Variants in PBX1 observed in about 807,000 individuals in gnomAD.
PBX1 encodes the protein PBX homeobox 1, also known as pre-B-cell leukemia transcription factor 1.
In PBX1, 6 loss-of-function variants were observed where a neutral mutation model predicts 53.4. That is an observed-to-expected ratio of 0.11 (90% CI 0.06 to 0.22). The LOEUF is 0.22. Among genes scored for constraint, PBX1 ranks in the 10% least tolerant of loss-of-function variants. PBX1 has a pLI of 1.00. For synonymous variants in PBX1, 204 were observed against 212.3 expected, an observed-to-expected ratio of 0.96 and a Z score of 0.34; for missense variants, 251 against 551.4, an observed-to-expected ratio of 0.46 and a Z score of 5.46.
intron 2 of PBX1, among the ~76,000 whole-genome samples, chr1:164,607,986 G>A (rs1232428361): frequency 6.6e-6 from 1 of 152,180 alleles, no homozygotes; most frequent in Non-Finnish European, 1.5e-5. Flanking sequence ...GGGATAAAAA[G>A]TGTTTCATCT....
intron 2 of PBX1, chr1:164,605,068 A>C (rs983975753): frequency 2.6e-5 from 4 of 152,164 alleles, no homozygotes; most frequent in African/African-American, 9.7e-5. Context: ...AGTCAAAGAA[A>C]TAGGCCTAGT....
chr1:164,585,180 T>C (rs1438359521), intron 2 of PBX1, among the ~76,000 whole-genome samples: 1 of 152,140 alleles, frequency 6.6e-6, no homozygotes, highest in Non-Finnish European at 1.5e-5. Context: ...CCTTCCAATG[T>C]GAGTATGTGT....
intron 2 of PBX1, among the ~76,000 whole-genome samples, chr1:164,588,389 TA>T (rs1655099411): frequency 7.1e-6 from 1 of 140,272 alleles, no homozygotes; most frequent in African/African-American, 2.6e-5. Context: ...AATCACACGG[TA>T]AAAGTTGCCA....
chr1:164,581,518 A>G (rs1321252361), intron 2 of PBX1, among the ~76,000 whole-genome samples: 4 of 152,014 alleles, frequency 2.6e-5, no homozygotes, highest in African/African-American at 7.2e-5. Flanking sequence ...GAGCCACCGC[A>G]CCCAGCCCCC....
chr1:164,830,469 G>A (rs1264286519), intron 8 of PBX1, among the ~76,000 whole-genome samples: 2 of 152,030 alleles, frequency 1.3e-5, no homozygotes. Context: ...CTATATACAA[G>A]AAGTGAACTC....
At chr1:164,611,399 G>A (rs1271094750) in intron 2 of PBX1, among the ~76,000 whole-genome samples, 3 of 151,998 alleles carry the variant, frequency 2.0e-5, no homozygotes, top group Non-Finnish European at 4.4e-5. Flanking sequence ...CACCACGCCC[G>A]GCTAATTTTT....
chr1:164,785,185 G>T (rs930771768), intron 2 of PBX1, among the ~76,000 whole-genome samples: 4 of 152,168 alleles, frequency 2.6e-5, no homozygotes, highest in African/African-American at 9.7e-5. Context: ...AATCAGAAGC[G>T]CTGACTGACA....
chr1:164,604,803 C>T (rs1200092621), intron 2 of PBX1, among the ~76,000 whole-genome samples: 6 of 151,964 alleles, frequency 3.9e-5, no homozygotes, highest in Admixed American at 3.9e-4. Context: ...AAGACATCTT[C>T]ATATCAGTGA....
At chr1:164,667,675 A>AAT (rs58385910) in intron 2 of PBX1, among the ~76,000 whole-genome samples, 5,056 of 152,292 alleles carry the variant, frequency 0.033, 121 homozygotes, top group Admixed American at 0.056. Flanking sequence ...AATGGCCACA[A>AAT]ATCTACAGGA....
intron 2 of PBX1, among the ~76,000 whole-genome samples, chr1:164,575,690 G>A (rs1346332809): frequency 6.6e-6 from 1 of 152,154 alleles, no homozygotes; most frequent in Non-Finnish European, 1.5e-5. Context: ...TGGATATGAG[G>A]GTGTAGACGT....
intron 2 of PBX1, among the ~76,000 whole-genome samples, chr1:164,744,079 C>T (rs1304659858): frequency 2.6e-5 from 4 of 152,044 alleles, no homozygotes; most frequent in African/African-American, 7.2e-5. Context: ...CACATTTGTC[C>T]CGCAGCACCA....
In PBX1 at chr1:164,849,611, T is replaced by A; in HGVS notation, c.*2935T>A. 7.3e-6 allele frequency: 5 copies of A among 684,092 alleles called. No individual in the cohort carries two copies. The highest frequency in any genetic ancestry group is 1.2e-5 in the Non-Finnish European group (5 of 432,640). The allele number at this position is 684,092 out of a possible 1,614,324, so 42.4% of individuals were successfully genotyped here. On this transcript the variant is annotated 3_prime_UTR_variant, in exon 9 of 9. Transcript: ENST00000420696. ...GCGAATTTCCCCTGAGAAACGATACTAGACCCTGGGTTTGCCCACCTTGTA... is the reference window on the plus strand; with the variant it reads ...GCGAATTTCCCCTGAGAAACGATACAAGACCCTGGGTTTGCCCACCTTGTA...
intron 2 of PBX1, among the ~76,000 whole-genome samples, chr1:164,592,760 C>T (rs1398204708): frequency 6.6e-6 from 1 of 152,150 alleles, no homozygotes; most frequent in Non-Finnish European, 1.5e-5. Context: ...CCCAACCATC[C>T]CTCCTGAGTA....
intron 2 of PBX1, among the ~76,000 whole-genome samples, chr1:164,655,100 G>GTTTTTTTTTTTTTTTTT (rs35954587): frequency 2.2e-4 from 31 of 138,742 alleles, no homozygotes; most frequent in Non-Finnish European, 3.9e-4. Flanking sequence ...TCTGATGTGT[G>GTTTTTTTTTTTTTTTTT]TTTTTTTTTT....
In PBX1 at chr1:164,659,126, C is replaced by T. The variant is rs140552929; in HGVS notation, c.265+95815C>T. On this transcript the variant is annotated intron_variant, in intron 2 of 8. Transcript: ENST00000420696. ...TCTTTTTCCCTACAATGAACAATGT[C>T]ACATGGACACAGAGAGGGAATATTT... Among the ~76,000 whole-genome samples, 86 of 152,298 alleles carry T rather than the reference C, an allele frequency of 5.6e-4. No individual in the cohort carries two copies. The East Asian group carries it at 0.014, about 25-fold the overall frequency.
At chr1:164,684,729 C>A (rs577740380) in intron 2 of PBX1, 7 of 152,244 alleles carry the variant, frequency 4.6e-5, no homozygotes, top group Admixed American at 3.9e-4. Flanking sequence ...GTGCTTTTCC[C>A]ATGAGGTTCC....
intron 2 of PBX1, among the ~76,000 whole-genome samples, chr1:164,599,427 T>G (rs1210712975): frequency 3.3e-5 from 5 of 151,862 alleles, no homozygotes; most frequent in East Asian, 3.9e-4. Flanking sequence ...CATATTTACC[T>G]TGTTATTTTT....
At position 164,674,847 on chromosome 1, in the gene PBX1, G is replaced by GCCC. The variant is rs78130048; in HGVS notation, c.265+111549_265+111551dup. On this transcript the variant is annotated intron_variant, in intron 2 of 8. Coordinates refer to ENST00000420696, the MANE Select transcript of PBX1 (RefSeq NM_002585.4). ...TATTTAGTTAGAGGAAGAAATCACAGCCCCCCCCCCCCCCCACCCACCACC... is the reference window on the plus strand; with the variant it reads ...TATTTAGTTAGAGGAAGAAATCACAGCCCCCCCCCCCCCCCCCCACCCACCACC... 6.2e-3 allele frequency: 252 copies of GCCC among 40,658 alleles called. 6 individuals carry two copies. Among genetic ancestry groups the GCCC allele is most frequent in the Non-Finnish European group, 9.3e-3 (151 of 16,224 alleles). 2.5% of individuals were successfully genotyped at this position (40,658 alleles called of 1,614,324 possible). A position where few individuals can be genotyped will look rare whatever the true frequency, so the allele number is the denominator to read the frequency against.
chr1:164,668,788 C>T lies in PBX1; in HGVS notation c.265+105477C>T, dbSNP rs117349984. 3.4e-3 allele frequency among the ~76,000 whole-genome samples: 512 copies of T among 152,236 alleles called. 10 individuals are homozygous for T. In the East Asian group the frequency reaches 0.046, roughly 14 times the overall value. ...AGCTTGTTAGACTGAAAGAATGTGC[C>T]GTTTTAATTAATGATATGTAAATAT... On this transcript the variant is annotated intron_variant, in intron 2 of 8. Coordinates refer to ENST00000420696, the MANE Select transcript of PBX1 (RefSeq NM_002585.4).
Sources: gnomAD v4.1 joint callset for allele counts (sites outside exome capture counted in the v4.1 genomes callset) on GRCh38, gnomAD v4.1.1 for gene constraint, MANE v1.5 for transcripts, NCBI Gene and HGNC (gene_info 2026-07-23, HGNC 2026-07-21) for gene names.